Variants in MARCHF1 observed in about 807,000 individuals in gnomAD.
MARCHF1 encodes membrane associated ring-CH-type finger 1.
Under a neutral mutation model 54.2 loss-of-function variants are expected in MARCHF1, and 40 were observed. The observed-to-expected ratio is 0.74, with a 90% CI of 0.57 to 0.96. The LOEUF (loss-of-function observed/expected upper bound fraction) is 0.96. Ranked by LOEUF, MARCHF1 falls within the 40% of genes least tolerant of loss-of-function variation. The probability of loss-of-function intolerance (pLI) is 0.00; values close to 1 mark genes in which losing one functional copy is unlikely to be tolerated. For missense variants in MARCHF1, 586 were observed against 656.5 expected (o/e 0.89, Z 1.17); for synonymous variants, 236 against 236.3 (o/e 1.00, Z 0.01).
chr4:163,979,708 G>A (rs1419046202), intron 3 of MARCHF1, among the ~76,000 whole-genome samples: 4 of 152,120 alleles, frequency 2.6e-5, no homozygotes, highest in East Asian at 3.9e-4. Context: ...TTTAATGATT[G>A]CCATTCTAAC....
intron 1 of MARCHF1, among the ~76,000 whole-genome samples, chr4:164,225,121 C>G (rs555939299): frequency 7.3e-4 from 111 of 152,164 alleles, no homozygotes; most frequent in Non-Finnish European, 1.1e-3. Flanking sequence ...ACAATCTACT[C>G]TGGACCAGAG....
chr4:164,116,511 A>T (rs921162603), intron 1 of MARCHF1, among the ~76,000 whole-genome samples: 1 of 151,172 alleles, frequency 6.6e-6, no homozygotes, highest in Admixed American at 6.6e-5. Flanking sequence ...CTCAAGGGCC[A>T]TACAAAAGCA....
intron 4 of MARCHF1, 51 bp from the exon 5 acceptor site, chr4:163,700,914 C>A (rs1561027143): frequency 1.6e-6 from 2 of 1,248,774 alleles, no homozygotes; most frequent in South Asian, 2.6e-5. Context: ...GGTACTTTCA[C>A]CATACTGTAC....
intron 3 of MARCHF1, among the ~76,000 whole-genome samples, chr4:163,968,208 C>T (rs751042598): frequency 6.7e-6 from 1 of 148,908 alleles, no homozygotes; most frequent in Non-Finnish European, 1.5e-5. Context: ...CAGATAGCCT[C>T]TTGTTTGCTC....
chr4:164,226,777 A>T (rs1389495017), intron 1 of MARCHF1, among the ~76,000 whole-genome samples: 1 of 152,056 alleles, frequency 6.6e-6, no homozygotes, highest in East Asian at 1.9e-4. Flanking sequence ...CCCTTCCCAC[A>T]GCTCATCCCC....
intron 4 of MARCHF1, among the ~76,000 whole-genome samples, chr4:163,710,281 T>C (rs1195433418): frequency 6.6e-6 from 1 of 152,156 alleles, no homozygotes; most frequent in Non-Finnish European, 1.5e-5. Context: ...CCATCTGAAT[T>C]TTGGTACAGA....
At chr4:163,554,218 G>T (rs1739209220) in intron 8 of MARCHF1, among the ~76,000 whole-genome samples, 1 of 152,170 alleles carries the variant, frequency 6.6e-6, no homozygotes, top group Admixed American at 6.5e-5. Flanking sequence ...AATAGTAAGA[G>T]ATATATATTG....
intron 1 of MARCHF1, among the ~76,000 whole-genome samples, chr4:164,236,364 T>C (rs980494668): frequency 6.6e-6 from 1 of 152,086 alleles, no homozygotes; most frequent in African/African-American, 2.4e-5. Flanking sequence ...ACTGAACTCA[T>C]AGCCAGCAGG....
chr4:164,282,033 C>A (rs546316596), intron 1 of MARCHF1, among the ~76,000 whole-genome samples: 4 of 150,934 alleles, frequency 2.7e-5, no homozygotes, highest in African/African-American at 4.9e-5. Context: ...ACCCTATAGA[C>A]CTCTAGTACC....
chr4:164,005,567 G>A (rs1330280260), intron 2 of MARCHF1, among the ~76,000 whole-genome samples: 1 of 152,120 alleles, frequency 6.6e-6, no homozygotes, highest in Non-Finnish European at 1.5e-5. Flanking sequence ...AAATGAGATT[G>A]AGGTGGTCAA....
intron 8 of MARCHF1, among the ~76,000 whole-genome samples, chr4:163,574,623 G>A (rs1459682975): frequency 6.7e-6 from 1 of 149,596 alleles, no homozygotes; most frequent in Non-Finnish European, 1.5e-5. Context: ...TCAGATAGTT[G>A]TAGATATGCG....
At chr4:164,026,912 C>T (rs1018592435) in intron 2 of MARCHF1, among the ~76,000 whole-genome samples, 2 of 151,982 alleles carry the variant, frequency 1.3e-5, no homozygotes, top group African/African-American at 4.8e-5. Context: ...AATCAGTGTA[C>T]AAAAATCAGT....
intron 1 of MARCHF1, among the ~76,000 whole-genome samples, chr4:164,207,268 T>C (rs890024281): frequency 1.3e-5 from 2 of 152,230 alleles, no homozygotes; most frequent in Non-Finnish European, 2.9e-5. Context: ...CACTGCCAAT[T>C]TGGAAATGTT....
intron 3 of MARCHF1, among the ~76,000 whole-genome samples, chr4:163,864,669 C>T (rs1286969869): frequency 6.6e-6 from 1 of 151,788 alleles, no homozygotes; most frequent in Non-Finnish European, 1.5e-5. Flanking sequence ...AATAGGTTTG[C>T]AGTTTTCTAA....
At position 163,854,187 on chromosome 4, in the gene MARCHF1, T is replaced by A; in HGVS notation, c.-38-18A>T. On this transcript the variant is annotated intron_variant, in intron 3 of 9. Transcript: ENST00000514618. ...CTGAAATTCTGAAAATAATTTACAT[T>A]CCCTGAAACAGGTCACTTATTTTAG... The A allele has an allele frequency of 6.8e-7, 1 of 1,475,156 alleles. No individual in the cohort carries two copies. Among genetic ancestry groups the A allele is most frequent in the Non-Finnish European group, 9.0e-7 (1 of 1,110,462 alleles). The allele number at this position is 1,475,156 out of a possible 1,614,324, so 91.4% of individuals were successfully genotyped here.
intron 1 of MARCHF1, among the ~76,000 whole-genome samples, chr4:164,320,289 C>G (rs1579718033): frequency 6.6e-6 from 1 of 152,086 alleles, no homozygotes. Flanking sequence ...GTCCAAAATC[C>G]TCTGCCAGGT....
At chr4:164,183,676 T>G (rs1730892281) in intron 1 of MARCHF1, among the ~76,000 whole-genome samples, 1 of 152,204 alleles carries the variant, frequency 6.6e-6, no homozygotes, top group South Asian at 2.1e-4. Flanking sequence ...CCACACATAG[T>G]GCTGGGTGAT....
intron 2 of MARCHF1, among the ~76,000 whole-genome samples, chr4:164,038,856 A>G (rs1407258303): frequency 6.6e-6 from 1 of 152,172 alleles, no homozygotes; most frequent in Admixed American, 6.5e-5. Flanking sequence ...CCTTACTTTT[A>G]TTACCAAATT....
rs1358546782 is a variant in MARCHF1, at chr4:163,731,604, A to AG, written c.112-30742dup. Among the ~76,000 whole-genome samples, 14 of 152,348 alleles carry AG rather than the reference A, an allele frequency of 9.2e-5. No homozygotes were observed. The East Asian group carries it at 2.7e-3, about 29-fold the overall frequency. Reference sequence around the variant, plus strand: ...TAGATGTCACAGAGCTCAGTACCAGAGGGACAGTATGGCTGAGTGAGGGAG... The same window carrying AG: ...TAGATGTCACAGAGCTCAGTACCAGAGGGGACAGTATGGCTGAGTGAGGGAG... On this transcript the variant is annotated intron_variant, in intron 4 of 9. Transcript: ENST00000514618.
Sources: gnomAD v4.1 joint callset for allele counts (sites outside exome capture counted in the v4.1 genomes callset) on GRCh38, gnomAD v4.1.1 for gene constraint, MANE v1.5 for transcripts, NCBI Gene and HGNC (gene_info 2026-07-23, HGNC 2026-07-21) for gene names.